UGT2B17: variants seen among roughly 807,000 people sequenced by gnomAD.
UGT2B17 encodes the protein UDP glucuronosyltransferase family 2 member B17.
In UGT2B17, 21 loss-of-function variants were observed where a neutral mutation model predicts 48.2. The ratio of observed to expected loss-of-function variants is 0.44; its 90% confidence interval spans 0.31 to 0.63. The LOEUF (loss-of-function observed/expected upper bound fraction) is 0.63, where lower values mean the gene tolerates loss of function less well. Among genes scored for constraint, UGT2B17 ranks in the 20% least tolerant of loss-of-function variants. The pLI is 0.08. For missense variants in UGT2B17, 402 were observed against 696.1 expected, an observed-to-expected ratio of 0.58 and a Z score of 4.75; for synonymous variants, 146 against 238.4, an observed-to-expected ratio of 0.61 and a Z score of 3.57.
chr4:68,538,303 A>G (rs1426418621), intron 6 of UGT2B17, among the ~76,000 whole-genome samples: 1 of 124,702 alleles, frequency 8.0e-6, no homozygotes. Context: ...TCACATGATC[A>G]TGGCTCAGTG....
Position 68,550,964 on chromosome 4 carries a change from A to C in UGT2B17, c.1094-68T>G. On this transcript the variant is annotated intron_variant, in intron 5 of 6. Coordinates refer to ENST00000317746, the MANE Select transcript of UGT2B17 (RefSeq NM_001077.4). ...ACAGGAATTGAATAAGAAATGCACA[A>C]TATAAGGAACTTAAAGCAAAACTGT... The C allele has an allele frequency of 1.7e-6, 2 of 1,192,492 alleles. 1 individual carries two copies. 73.9% of individuals were successfully genotyped at this position (1,192,492 alleles called of 1,614,324 possible).
chr4:68,549,346 T>TAAAAAAA (rs397766650), intron 6 of UGT2B17, among the ~76,000 whole-genome samples: 1 of 99,756 alleles, frequency 1.0e-5, no homozygotes, highest in Non-Finnish European at 2.0e-5. Context: ...CTCCAAAAAG[T>TAAAAAAA]AAAAAAAAAA....
rs1578164787 is a variant in UGT2B17, at chr4:68,545,684, T to G, written c.1313+4993A>C. Among the ~76,000 whole-genome samples the G allele has an allele frequency of 4.8e-5, 6 of 124,976 alleles. 3 individuals carry two copies. 82.0% of individuals were successfully genotyped at this position (124,976 alleles called of 152,430 possible). A position where few individuals can be genotyped will look rare whatever the true frequency, so the allele number is the denominator to read the frequency against. On this transcript the variant is annotated intron_variant, in intron 6 of 6. Coordinates refer to ENST00000317746, the MANE Select transcript of UGT2B17 (RefSeq NM_001077.4). ...AAAATTGATAGACTGCTAGCAAGACTAATAAAGAAGAAAAGAGAGACGAAT... is the reference window on the plus strand; with the variant it reads ...AAAATTGATAGACTGCTAGCAAGACGAATAAAGAAGAAAAGAGAGACGAAT...
intron 1 of UGT2B17, among the ~76,000 whole-genome samples, chr4:68,574,502 C>G (rs1185450635): frequency 7.9e-6 from 1 of 126,684 alleles, no homozygotes; most frequent in Non-Finnish European, 1.7e-5. Context: ...ACTTTCATGT[C>G]TAGTTCACAG....
intron 6 of UGT2B17, among the ~76,000 whole-genome samples, chr4:68,540,288 G>T (rs1415729267): frequency 7.9e-6 from 1 of 126,380 alleles, no homozygotes; most frequent in African/African-American, 2.7e-5. Flanking sequence ...GTCTACTTTG[G>T]TCTGTTTAAA....
rs1354040024 is a variant in UGT2B17, at chr4:68,547,901, G to A, written c.1313+2776C>T. On this transcript the variant is annotated intron_variant, in intron 6 of 6. Transcript: ENST00000317746. ...ATACCATCTCACCCCAGTTAGAATG[G>A]CAATCATTAAAAAGTCAGGAAACCA... is the stretch of plus-strand genomic sequence containing the variant. 3.2e-5 allele frequency among the ~76,000 whole-genome samples: 4 copies of A among 126,170 alleles called. 1 individual carries two copies. The highest frequency in any genetic ancestry group is 1.6e-4 in the Admixed American group (2 of 12,340). The allele number at this position is 126,170 out of a possible 152,430, so 82.8% of individuals were successfully genotyped here. A position where few individuals can be genotyped will look rare whatever the true frequency, so the allele number is the denominator to read the frequency against.
Position 68,555,511 on chromosome 4 carries a change from C to T in UGT2B17, c.1006-3600G>A, listed in dbSNP as rs187029362. ...TTTGGCCTACACCCAGAAATAAACA[C>T]GGAGAGCTTGGAGGTTAAAAGCAAG... On this transcript the variant is annotated intron_variant, in intron 4 of 6. Transcript: ENST00000317746. Among the ~76,000 whole-genome samples, 160 of 125,806 alleles carry T rather than the reference C, an allele frequency of 1.3e-3. 36 individuals carry two copies. Among genetic ancestry groups the T allele is most frequent in the African/African-American group, 9.2e-4 (34 of 37,130 alleles). The allele number at this position is 125,806 out of a possible 152,430, so 82.5% of individuals were successfully genotyped here.
At chr4:68,542,533 T>C (rs1402915804) in intron 6 of UGT2B17, among the ~76,000 whole-genome samples, 1 of 126,422 alleles carries the variant, frequency 7.9e-6, no homozygotes, top group Non-Finnish European at 1.7e-5. Flanking sequence ...TGAGGAATGA[T>C]TTCTGCATTT....
At chr4:68,546,841 A>T (rs1466893121) in intron 6 of UGT2B17, among the ~76,000 whole-genome samples, 4 of 124,100 alleles carry the variant, frequency 3.2e-5, no homozygotes, top group African/African-American at 1.1e-4. Flanking sequence ...TTCAAAGAGA[A>T]TAAAATACCT....
chr4:68,564,741 C>A lies in UGT2B17; in HGVS notation c.873+831G>T, dbSNP rs1285170656. On this transcript the variant is annotated intron_variant, in intron 3 of 6. Transcript: ENST00000317746. ...TTTGAGACAGAGTCTCACTCCGTCG[C>A]ACAGGCTAGAGTTCAGTGGTGTGGT... Among the ~76,000 whole-genome samples the A allele has an allele frequency of 1.2e-4, 15 of 125,918 alleles. 3 individuals carry two copies. Among genetic ancestry groups the A allele is most frequent in the Admixed American group, 4.9e-4 (6 of 12,288 alleles). 82.6% of individuals were successfully genotyped at this position (125,918 alleles called of 152,430 possible). A position where few individuals can be genotyped will look rare whatever the true frequency, so the allele number is the denominator to read the frequency against.
At chr4:68,555,372 C>T (rs1465181969) in intron 4 of UGT2B17, among the ~76,000 whole-genome samples, 2 of 126,468 alleles carry the variant, frequency 1.6e-5, no homozygotes, top group Non-Finnish European at 3.4e-5. Flanking sequence ...CATAACTTCT[C>T]ATCTTGTGGC....
rs1488846459 is a variant in UGT2B17 at position 68,540,223 on chromosome 4, G to A, written c.1314-2319C>T. On this transcript the variant is annotated intron_variant, in intron 6 of 6. Transcript: ENST00000317746. ...TATAACACATAGGTTACATTTAATTGTGTACTTCAAATGTTTTATCTCCTT... is the reference window on the plus strand; with the variant it reads ...TATAACACATAGGTTACATTTAATTATGTACTTCAAATGTTTTATCTCCTT... Among the ~76,000 whole-genome samples the A allele has an allele frequency of 1.6e-5, 2 of 126,632 alleles. 1 individual carries two copies. Among genetic ancestry groups the A allele is most frequent in the Non-Finnish European group, 3.4e-5 (2 of 59,610 alleles). 83.1% of individuals were successfully genotyped at this position (126,632 alleles called of 152,430 possible). A position where few individuals can be genotyped will look rare whatever the true frequency, so the allele number is the denominator to read the frequency against.
intron 2 of UGT2B17, 87 bp downstream of exon 2, chr4:68,567,674 T>C (rs1329729295): frequency 1.1e-6 from 1 of 951,680 alleles, no homozygotes; most frequent in African/African-American, 1.7e-5. Context: ...AAAAACACTA[T>C]CTTCTGACAT....
In UGT2B17 at chr4:68,556,592, G is replaced by A. The variant is rs1440546499; in HGVS notation, c.1005+3945C>T. ...ACACTAATGCAAGACCAACATATGG[G>A]CCCCTGTGTCAGATTAACAAGGTTT... On this transcript the variant is annotated intron_variant, in intron 4 of 6. Transcript: ENST00000317746. 1.6e-5 allele frequency among the ~76,000 whole-genome samples: 2 copies of A among 125,612 alleles called. 1 individual carries two copies. Among genetic ancestry groups the A allele is most frequent in the Non-Finnish European group, 3.4e-5 (2 of 59,166 alleles). 82.4% of individuals were successfully genotyped at this position (125,612 alleles called of 152,430 possible). A position where few individuals can be genotyped will look rare whatever the true frequency, so the allele number is the denominator to read the frequency against.
intron 3 of UGT2B17, among the ~76,000 whole-genome samples, chr4:68,564,732 A>G (rs368646195): frequency 8.0e-6 from 1 of 124,336 alleles, no homozygotes; most frequent in African/African-American, 2.8e-5. Context: ...ACAGAGTCTC[A>G]CTCCGTCGCA....
intron 6 of UGT2B17, among the ~76,000 whole-genome samples, chr4:68,540,667 T>G (rs182394431): frequency 7.9e-6 from 1 of 126,394 alleles, no homozygotes; most frequent in Admixed American, 8.1e-5. Flanking sequence ...AGTTCCAGGA[T>G]ACATACGCAG....
chr4:68,563,583 G>A (rs1273806943), intron 3 of UGT2B17, among the ~76,000 whole-genome samples: 2 of 126,442 alleles, frequency 1.6e-5, no homozygotes, highest in African/African-American at 2.7e-5. Flanking sequence ...GGTAGTATTA[G>A]TAATAATCAC....
intron 2 of UGT2B17, among the ~76,000 whole-genome samples, chr4:68,566,532 T>C (rs1263505880): frequency 7.7e-6 from 1 of 129,770 alleles, no homozygotes; most frequent in Non-Finnish European, 1.6e-5. Context: ...GATCTGATAG[T>C]TTTATAAGTG....
At chr4:68,569,669 A>G (rs1731269170) in intron 1 of UGT2B17, among the ~76,000 whole-genome samples, 1 of 126,058 alleles carries the variant, frequency 7.9e-6, no homozygotes, top group Non-Finnish European at 1.7e-5. Context: ...AGAAGCAGGA[A>G]GAGAGCCGGC....
Sources: gnomAD v4.1 joint callset for allele counts (sites outside exome capture counted in the v4.1 genomes callset) on GRCh38, gnomAD v4.1.1 for gene constraint, MANE v1.5 for transcripts, NCBI Gene and HGNC (gene_info 2026-07-23, HGNC 2026-07-21) for gene names.